Variants in DOCK8 observed in about 807,000 individuals in gnomAD.
DOCK8 encodes the protein dedicator of cytokinesis protein 8.
A neutral mutation model predicts 245.6 loss-of-function variants in DOCK8; 141 were observed. The observed-to-expected ratio is 0.57, with a 90% CI of 0.50 to 0.66. The LOEUF (loss-of-function observed/expected upper bound fraction) is 0.66. Among genes scored for constraint, DOCK8 ranks in the 30% least tolerant of loss-of-function variants. The probability of loss-of-function intolerance (pLI) is 0.00; values close to 1 mark genes in which losing one functional copy is unlikely to be tolerated. For synonymous variants in DOCK8, 1,168 were observed against 970.2 expected (o/e 1.20, Z -3.79); for missense variants, 2,965 against 2,603.4 (o/e 1.14, Z -3.02).
chr9:284,297 T>C (rs1447446893), intron 2 of DOCK8: 1 of 152,316 alleles, frequency 6.6e-6, no homozygotes, highest in Non-Finnish European at 1.5e-5. Context: ...TAATGCAAAC[T>C]TAGTCCTCAT....
intron 14 of DOCK8, among the ~76,000 whole-genome samples, chr9:349,254 T>C (rs1169134498): frequency 6.6e-6 from 1 of 152,230 alleles, no homozygotes; most frequent in Non-Finnish European, 1.5e-5. Context: ...TCTTTTATAG[T>C]TAAAAGATGA....
intron 28 of DOCK8, among the ~76,000 whole-genome samples, chr9:410,905 A>T (rs2055691710): frequency 6.6e-6 from 1 of 152,228 alleles, no homozygotes; most frequent in South Asian, 2.1e-4. Context: ...ATCACAAGAG[A>T]CCTTACAGAA....
intron 24 of DOCK8, among the ~76,000 whole-genome samples, chr9:392,662 T>C (rs1317474669): frequency 6.6e-6 from 1 of 151,980 alleles, no homozygotes; most frequent in Non-Finnish European, 1.5e-5. Flanking sequence ...ACACCAGAAT[T>C]TTTTTTTCAT....
intron 39 of DOCK8, among the ~76,000 whole-genome samples, chr9:438,124 A>T (rs567652097): frequency 6.6e-6 from 1 of 152,348 alleles, no homozygotes; most frequent in East Asian, 1.9e-4. Flanking sequence ...ACAGTATTGC[A>T]TGTGAAGAGA....
intron 9 of DOCK8, among the ~76,000 whole-genome samples, chr9:330,150 G>A (rs1031795691): frequency 2.6e-5 from 4 of 151,994 alleles, no homozygotes; most frequent in African/African-American, 4.8e-5. Context: ...CATATAATAC[G>A]GCTTTAAGGG....
In DOCK8 at chr9:417,945, A is replaced by C. The variant is rs2056098594; in HGVS notation, c.3701-123A>C. The C allele has an allele frequency of 1.0e-5, 13 of 1,242,882 alleles. No homozygotes were observed. In the Admixed American group the frequency reaches 2.5e-4, roughly 24 times the overall value. The allele number at this position is 1,242,882 out of a possible 1,614,324, so 77.0% of individuals were successfully genotyped here. A position where few individuals can be genotyped will look rare whatever the true frequency, so the allele number is the denominator to read the frequency against. ...AGGTGATAGCAGATACATAATGCTA[A>C]ACATCAGGTTTGAAATTACTGTGCT... On this transcript the variant is annotated intron_variant, in intron 29 of 47. Coordinates refer to ENST00000432829, the MANE Select transcript of DOCK8 (RefSeq NM_203447.4).
chr9:451,116 C>T (rs898633224), intron 45 of DOCK8, among the ~76,000 whole-genome samples: 8 of 151,944 alleles, frequency 5.3e-5, no homozygotes, highest in Non-Finnish European at 8.8e-5. Context: ...AGTTTCAGAC[C>T]AGCCTGGCCA....
At chr9:285,388 C>T (rs2048777029) in intron 2 of DOCK8, among the ~76,000 whole-genome samples, 1 of 152,152 alleles carries the variant, frequency 6.6e-6, no homozygotes, top group African/African-American at 2.4e-5. Context: ...CCCATCAAGG[C>T]AGTGCAAGTA....
chr9:394,152 G>A (rs965337397), intron 24 of DOCK8, among the ~76,000 whole-genome samples: 1 of 152,152 alleles, frequency 6.6e-6, no homozygotes. Context: ...CCCCTTGTTT[G>A]TGCTCCTGTT....
At chr9:304,821 A>T (rs1469144773) in intron 5 of DOCK8, 117 bp downstream of exon 5, 18 of 1,419,648 alleles carry the variant, frequency 1.3e-5, no homozygotes, top group Non-Finnish European at 1.8e-5. Context: ...AGTAGGAGGA[A>T]CTTTACCATC....
At chr9:303,173 A>G (rs563363813) in intron 4 of DOCK8, among the ~76,000 whole-genome samples, 2 of 152,036 alleles carry the variant, frequency 1.3e-5, no homozygotes, top group South Asian at 2.1e-4. Context: ...AAAAAAAAAA[A>G]GGCAAAAATT....
At position 334,327 on chromosome 9, in the gene DOCK8, A is replaced by G. The variant is rs2130878608; in HGVS notation, c.1228A>G (p.Ser410Gly). The G allele has an allele frequency of 1.2e-6, 2 of 1,614,178 alleles. No homozygotes were observed. The highest frequency in any genetic ancestry group is 2.2e-5 in the East Asian group (1 of 44,870). The change falls in exon 11 of 48, where the codon AGC becomes GGC. Residue 410 changes from serine to glycine, a missense_variant. Ser to Gly is a moderately conservative substitution (Grantham distance 56). This residue lies in a region of DOCK8 where 2,825 missense variants were observed against 2,453.5 expected (regional missense o/e 1.15). Coordinates refer to ENST00000432829, the MANE Select transcript of DOCK8 (RefSeq NM_203447.4). ...PFAWAPISLS[S>G]FFNVSTLERE... ...TGCCTGGGCACCCATAAGCTTATCA[A>G]GCTTCTTCAATGTCTCCACCCTTGA...
chr9:354,816 G>T (rs940097213), intron 14 of DOCK8, among the ~76,000 whole-genome samples: 2 of 152,150 alleles, frequency 1.3e-5, no homozygotes, highest in Admixed American at 1.3e-4. Context: ...ACAAGCAAGC[G>T]GGAGGGTAAG....
Position 420,316 on chromosome 9 carries a change from T to A in DOCK8, c.3841-85T>A, listed in dbSNP as rs2056221793. ...TATTTTAAGAGAACACTTTGAATTT[T>A]TCTGTTGCTTGACTGTTAAGCCTCA... On this transcript the variant is annotated intron_variant, in intron 30 of 47. Coordinates refer to ENST00000432829, the MANE Select transcript of DOCK8 (RefSeq NM_203447.4). 5 of 1,433,746 alleles carry A rather than the reference T, an allele frequency of 3.5e-6. No homozygotes were observed. The South Asian group carries it at 4.6e-5, about 13-fold the overall frequency. 88.8% of individuals were successfully genotyped at this position (1,433,746 alleles called of 1,614,324 possible). A position where few individuals can be genotyped will look rare whatever the true frequency, so the allele number is the denominator to read the frequency against.
intron 5 of DOCK8, among the ~76,000 whole-genome samples, chr9:310,945 G>C (rs1269114616): frequency 6.6e-6 from 1 of 152,182 alleles, no homozygotes; most frequent in African/African-American, 2.4e-5. Flanking sequence ...CAAAGCATGA[G>C]AGGATGTCAC....
At chr9:453,075 G>A (rs1014707726) in intron 46 of DOCK8, 1 of 152,222 alleles carries the variant, frequency 6.6e-6, no homozygotes, top group African/African-American at 2.4e-5. Flanking sequence ...CTAAAAGTTT[G>A]CTAAATTCAG....
chr9:371,675 T>A, intron 17 of DOCK8, 109 bp downstream of exon 17: 1 of 1,459,636 alleles, frequency 6.9e-7, no homozygotes, highest in Non-Finnish European at 9.4e-7. Flanking sequence ...CAGTCAGAAG[T>A]AGCAAAACAT....
chr9:249,500 C>G (rs1388705281), intron 1 of DOCK8, among the ~76,000 whole-genome samples: 1 of 152,224 alleles, frequency 6.6e-6, no homozygotes, highest in Non-Finnish European at 1.5e-5. Flanking sequence ...TGCATCACAT[C>G]TGCCATGCCA....
chr9:224,541 C>T (rs2046951019), intron 1 of DOCK8, among the ~76,000 whole-genome samples: 1 of 152,156 alleles, frequency 6.6e-6, no homozygotes, highest in South Asian at 2.1e-4. Flanking sequence ...CCCTCTGCTG[C>T]CACGGGTAGA....
Sources: gnomAD v4.1 joint callset for allele counts (sites outside exome capture counted in the v4.1 genomes callset) on GRCh38, gnomAD v4.1.1 for gene constraint, gnomAD v4.1.1 regional missense constraint, MANE v1.5 for transcripts, NCBI Gene and HGNC (gene_info 2026-07-23, HGNC 2026-07-21) for gene names.